ADAM7: variants seen among roughly 807,000 people sequenced by gnomAD.
The protein encoded by ADAM7 is disintegrin and metalloproteinase domain-containing protein 7.
In ADAM7, 97 loss-of-function variants were observed where a neutral mutation model predicts 102.9. The observed-to-expected ratio is 0.94, with a 90% CI of 0.80 to 1.12. ADAM7 has a LOEUF of 1.12. ADAM7 is among the 50% of genes most tolerant of loss of function. The pLI, the probability that ADAM7 is intolerant of heterozygous loss-of-function variation, is 0.00. For missense variants in ADAM7, 991 were observed against 908.7 expected (o/e 1.09, Z -1.16); for synonymous variants, 334 against 304.4 (o/e 1.10, Z -1.01).
chr8:24,476,631 G>A, intron 8 of ADAM7, 127 bp downstream of exon 8: 1 of 570,204 alleles, frequency 1.8e-6, no homozygotes, highest in Non-Finnish European at 2.9e-6. Context: ...AGACTAATAA[G>A]CAAAAATCCA....
At chr8:24,503,834 C>T (rs867990630) in intron 20 of ADAM7, among the ~76,000 whole-genome samples, 13 of 151,922 alleles carry the variant, frequency 8.6e-5, no homozygotes, top group African/African-American at 3.1e-4. Flanking sequence ...AATGAGAACA[C>T]ATGGACCCAG....
At chr8:24,471,198 T>C (rs1380965986) in intron 7 of ADAM7, among the ~76,000 whole-genome samples, 4 of 152,074 alleles carry the variant, frequency 2.6e-5, no homozygotes, top group Non-Finnish European at 5.9e-5. Flanking sequence ...TAAACTGATG[T>C]CTAAAAAAAT....
At position 24,487,254 on chromosome 8, in the gene ADAM7, T is replaced by G. The variant is rs1820173362; in HGVS notation, c.1028T>G (p.Met343Arg). 6.2e-7 allele frequency: 1 copy of G among 1,613,970 alleles called. No homozygotes were observed. Residue 343 changes from methionine to arginine, a missense_variant, in exon 11 of 22, where the codon ATG becomes AGG. Transcript: ENST00000175238. Reference protein sequence around the residue: ...MAHQLGHNLGMQHDEFPCTCP... With the variant: ...MAHQLGHNLGRQHDEFPCTCP... ...CATCAACTGGGGCATAACCTTGGGA[T>G]GCAGCATGACGAGTTCCCATGCACC...
At chr8:24,500,369 T>C (rs2129395845) in intron 18 of ADAM7, 113 bp downstream of exon 18, 2 of 955,336 alleles carry the variant, frequency 2.1e-6, no homozygotes, top group Admixed American at 2.3e-5. Context: ...TGGATTTGTA[T>C]GGTCTTCATA....
At chr8:24,487,403 T>A in intron 11 of ADAM7, 86 bp downstream of exon 11, 1 of 1,471,502 alleles carries the variant, frequency 6.8e-7, no homozygotes, top group Non-Finnish European at 9.1e-7. Flanking sequence ...TCCCAGCACT[T>A]TGGGAGGCCG....
intron 1 of ADAM7, 114 bp from the exon 2 acceptor site, chr8:24,442,359 G>C (rs1263181678): frequency 2.6e-6 from 2 of 769,524 alleles, no homozygotes; most frequent in Non-Finnish European, 4.8e-6. Context: ...TAGTGTTGCT[G>C]TCCATGGCTG....
intron 7 of ADAM7, among the ~76,000 whole-genome samples, chr8:24,474,135 G>A (rs527423402): frequency 1.3e-5 from 2 of 152,110 alleles, no homozygotes; most frequent in Admixed American, 1.3e-4. Context: ...AATAAAAAAG[G>A]TAAGACCCAT....
chr8:24,454,821 T>G (rs1313335934), intron 3 of ADAM7, among the ~76,000 whole-genome samples: 3 of 152,302 alleles, frequency 2.0e-5, no homozygotes, highest in South Asian at 4.1e-4. Context: ...CAGCTTGGTT[T>G]TAATAATAAT....
intron 6 of ADAM7, among the ~76,000 whole-genome samples, chr8:24,468,026 A>C (rs535303580): frequency 6.6e-6 from 1 of 152,264 alleles, no homozygotes; most frequent in South Asian, 2.1e-4. Context: ...AGATTGCACC[A>C]CTGCACTCGA....
Position 24,508,814 on chromosome 8 carries a change from G to A in ADAM7, c.*268G>A, listed in dbSNP as rs554812691. The A allele has an allele frequency of 1.8e-5, 22 of 1,237,404 alleles. No homozygotes were observed. Among genetic ancestry groups the A allele is most frequent in the South Asian group, 1.5e-4 (4 of 27,532 alleles). The allele number at this position is 1,237,404 out of a possible 1,614,324, so 76.7% of individuals were successfully genotyped here. A position where few individuals can be genotyped will look rare whatever the true frequency, so the allele number is the denominator to read the frequency against. ...GCTCTTTAGCACAATATAAAAATTC[G>A]TAACCTTGCTGTAGTATTTTCCTAC... is the stretch of plus-strand genomic sequence containing the variant. On this transcript the variant is annotated 3_prime_UTR_variant, in exon 22 of 22. Transcript: ENST00000175238.
intron 3 of ADAM7, among the ~76,000 whole-genome samples, chr8:24,454,053 T>A (rs184142379): frequency 5.8e-4 from 89 of 152,330 alleles, no homozygotes; most frequent in South Asian, 3.1e-3. Flanking sequence ...GATGTCAGTC[T>A]GCCCCTACTG....
chr8:24,496,315 G>A (rs181643386), intron 16 of ADAM7, among the ~76,000 whole-genome samples: 85 of 152,320 alleles, frequency 5.6e-4, no homozygotes, highest in African/African-American at 1.8e-3. Context: ...CTGCAGGGGC[G>A]GGGCCCTCAT....
chr8:24,447,957 C>T (rs979440207), intron 3 of ADAM7, among the ~76,000 whole-genome samples: 6 of 151,010 alleles, frequency 4.0e-5, no homozygotes, highest in African/African-American at 1.2e-4. Context: ...CACACACACA[C>T]ACACACACAC....
intron 9 of ADAM7, among the ~76,000 whole-genome samples, chr8:24,482,899 G>A (rs1394077072): frequency 6.6e-6 from 1 of 151,892 alleles, no homozygotes; most frequent in Non-Finnish European, 1.5e-5. Flanking sequence ...TAGAATCCAT[G>A]TTACATTTTT....
At chr8:24,458,242 A>T (rs998335008) in intron 3 of ADAM7, among the ~76,000 whole-genome samples, 4 of 152,200 alleles carry the variant, frequency 2.6e-5, no homozygotes, top group African/African-American at 9.7e-5. Flanking sequence ...ACTGAATTTC[A>T]TTTTAACTTA....
At position 24,482,255 on chromosome 8, in the gene ADAM7, T is replaced by C. The variant is rs757807464; in HGVS notation, c.819T>C (p.Phe273=). The C allele has an allele frequency of 6.2e-7, 1 of 1,611,738 alleles. No homozygotes were observed. The highest frequency in any genetic ancestry group is 2.2e-5 in the East Asian group (1 of 44,776). The change falls in exon 9 of 22, where the codon TTT becomes TTC. Residue 273 remains phenylalanine (F), a synonymous_variant. Coordinates refer to ENST00000175238, the MANE Select transcript of ADAM7 (RefSeq NM_003817.4). ...AAACTACCTTATTGCGTTTTTCATT[T>C]TGGCAAGAAAAGATCCTTAAAACAC... ...NIETTLLRFS[F]WQEKILKTRK... is the part of the protein sequence containing the mutation.
At chr8:24,490,705 C>G in intron 12 of ADAM7, 94 bp from the exon 13 acceptor site, 1 of 1,255,700 alleles carries the variant, frequency 8.0e-7, no homozygotes, top group Non-Finnish European at 1.1e-6. Context: ...CTATTTAACT[C>G]TATCAGAATC....
At chr8:24,488,404 G>A (rs965604489) in intron 11 of ADAM7, among the ~76,000 whole-genome samples, 13 of 152,124 alleles carry the variant, frequency 8.5e-5, no homozygotes, top group Non-Finnish European at 1.5e-4. Flanking sequence ...AAAGTTTCGT[G>A]GTGATCAATG....
chr8:24,503,025 A>G (rs905104984), intron 20 of ADAM7, among the ~76,000 whole-genome samples: 2 of 152,184 alleles, frequency 1.3e-5, no homozygotes, highest in South Asian at 2.1e-4. Context: ...ATGATCATAT[A>G]TAGAGGATAA....
Sources: gnomAD v4.1 joint callset for allele counts (sites outside exome capture counted in the v4.1 genomes callset) on GRCh38, gnomAD v4.1.1 for gene constraint, MANE v1.5 for transcripts, NCBI Gene and HGNC (gene_info 2026-07-23, HGNC 2026-07-21) for gene names.